Variants in NKAIN2 observed in about 807,000 individuals in gnomAD.
NKAIN2 encodes the protein sodium/potassium transporting ATPase interacting 2.
In NKAIN2, 14 loss-of-function variants were observed where a neutral mutation model predicts 32.6. The observed-to-expected ratio is 0.43, with a 90% CI of 0.28 to 0.67. The LOEUF is 0.67. Among genes scored for constraint, NKAIN2 ranks in the 30% least tolerant of loss-of-function variants. NKAIN2 has a pLI of 0.17. For missense variants in NKAIN2, 198 were observed against 258.3 expected (o/e 0.77, Z 1.60); for synonymous variants, 80 against 87.2 (o/e 0.92, Z 0.46).
chr6:124,542,678 CA>C (rs2114847891), intron 3 of NKAIN2, among the ~76,000 whole-genome samples: 1 of 152,252 alleles, frequency 6.6e-6, no homozygotes, highest in South Asian at 2.1e-4. Flanking sequence ...ATGCTAAAGG[CA>C]GGAGATGAGA....
At chr6:124,290,772 G>T in intron 2 of NKAIN2, among the ~76,000 whole-genome samples, 1 of 146,386 alleles carries the variant, frequency 6.8e-6, no homozygotes, top group Admixed American at 6.9e-5. Flanking sequence ...GCATTCTATT[G>T]CTTGATATTC....
chr6:124,461,922 A>G (rs998622175), intron 3 of NKAIN2, among the ~76,000 whole-genome samples: 3 of 151,772 alleles, frequency 2.0e-5, no homozygotes, highest in East Asian at 1.9e-4. Context: ...TAATAAAAAA[A>G]AAAAGAAAAG....
At chr6:124,211,341 C>T (rs1182664261) in intron 1 of NKAIN2, among the ~76,000 whole-genome samples, 1 of 151,802 alleles carries the variant, frequency 6.6e-6, no homozygotes, top group African/African-American at 2.4e-5. Flanking sequence ...GAAGGTGTTA[C>T]ATAACTGAAA....
At chr6:124,812,212 C>T (rs549771837) in intron 5 of NKAIN2, among the ~76,000 whole-genome samples, 1 of 152,264 alleles carries the variant, frequency 6.6e-6, no homozygotes, top group South Asian at 2.1e-4. Context: ...TATCTCACAG[C>T]ACCCAGACAA....
chr6:124,535,587 TAAG>T (rs1779682613), intron 3 of NKAIN2, among the ~76,000 whole-genome samples: 1 of 152,226 alleles, frequency 6.6e-6, no homozygotes, highest in African/African-American at 2.4e-5. Flanking sequence ...AGGTTGCCCT[TAAG>T]AAATACTGGA....
At chr6:124,637,414 G>A (rs1783814744) in intron 3 of NKAIN2, among the ~76,000 whole-genome samples, 1 of 151,764 alleles carries the variant, frequency 6.6e-6, no homozygotes, top group South Asian at 2.1e-4. Context: ...AGAAAAAGAG[G>A]GCATCCAAAT....
At chr6:124,284,464 T>C (rs892003240) in intron 2 of NKAIN2, among the ~76,000 whole-genome samples, 1 of 152,148 alleles carries the variant, frequency 6.6e-6, no homozygotes, top group Admixed American at 6.6e-5. Context: ...ATTTAATTAA[T>C]TGATATATAT....
intron 1 of NKAIN2, among the ~76,000 whole-genome samples, chr6:124,278,040 G>T (rs1795121200): frequency 6.6e-6 from 1 of 152,038 alleles, no homozygotes; most frequent in African/African-American, 2.4e-5. Flanking sequence ...ATTTGATTAA[G>T]AAATATTAGT....
intron 1 of NKAIN2, among the ~76,000 whole-genome samples, chr6:123,947,204 T>G (rs369716679): frequency 6.6e-6 from 1 of 152,168 alleles, no homozygotes; most frequent in South Asian, 2.1e-4. Context: ...TCAGATCAGG[T>G]CTGTGTTCTG....
At chr6:124,189,632 G>C (rs567361147) in intron 1 of NKAIN2, among the ~76,000 whole-genome samples, 1 of 152,286 alleles carries the variant, frequency 6.6e-6, no homozygotes, top group African/African-American at 2.4e-5. Context: ...AGTGAGCCGA[G>C]ATTGTGCCAT....
intron 3 of NKAIN2, among the ~76,000 whole-genome samples, chr6:124,638,880 ACT>A (rs1783876810): frequency 1.2e-5 from 1 of 80,754 alleles, no homozygotes; most frequent in Non-Finnish European, 2.6e-5. Flanking sequence ...GCAGAGTGAG[ACT>A]CTGTCAAAAA....
At position 123,883,572 on chromosome 6, in the gene NKAIN2, G is replaced by C. The variant is rs955387077; in HGVS notation, c.54+79318G>C. Among the ~76,000 whole-genome samples the C allele has an allele frequency of 2.0e-5, 3 of 151,294 alleles. No individual in the cohort carries two copies. In the East Asian group the frequency reaches 5.8e-4, roughly 29 times the overall value. On this transcript the variant is annotated intron_variant, in intron 1 of 6. Coordinates refer to ENST00000368417, the MANE Select transcript of NKAIN2 (RefSeq NM_001040214.3). ...CCTTCACCTTCTGCCATGATTGTAC[G>C]TTCCTGAGGCGTCCCCAGTCATGCT...
intron 5 of NKAIN2, among the ~76,000 whole-genome samples, chr6:124,802,024 T>C (rs1780284125): frequency 6.6e-6 from 1 of 152,192 alleles, no homozygotes; most frequent in Admixed American, 6.5e-5. Flanking sequence ...CCATGGGACA[T>C]TCTCTTTCCT....
At chr6:123,868,901 CT>C (rs1281228632) in intron 1 of NKAIN2, among the ~76,000 whole-genome samples, 1 of 152,046 alleles carries the variant, frequency 6.6e-6, no homozygotes, top group East Asian at 1.9e-4. Context: ...ATGGTGAATA[CT>C]TTTTTAAAAA....
At chr6:124,355,659 G>C (rs979829624) in intron 3 of NKAIN2, among the ~76,000 whole-genome samples, 1 of 151,930 alleles carries the variant, frequency 6.6e-6, no homozygotes, top group African/African-American at 2.4e-5. Context: ...AAAAAATCTT[G>C]AAGATTTCTG....
At chr6:124,729,668 T>C (rs1776549983) in intron 4 of NKAIN2, among the ~76,000 whole-genome samples, 1 of 150,938 alleles carries the variant, frequency 6.6e-6, no homozygotes, top group South Asian at 2.1e-4. Flanking sequence ...ATGCCCTCTC[T>C]CACCACTCCT....
At chr6:123,824,126 T>G (rs1383159437) in intron 1 of NKAIN2, among the ~76,000 whole-genome samples, 1 of 152,134 alleles carries the variant, frequency 6.6e-6, no homozygotes, top group Non-Finnish European at 1.5e-5. Context: ...ACTTTTGACC[T>G]TTTTGACAAT....
chr6:124,266,919 C>T (rs560762838), intron 1 of NKAIN2, among the ~76,000 whole-genome samples: 2 of 152,258 alleles, frequency 1.3e-5, no homozygotes, highest in African/African-American at 4.8e-5. Context: ...CCTAGTCATC[C>T]TTCTCAGGCT....
chr6:124,336,664 G>GT lies in NKAIN2; in HGVS notation c.193-18600dup, dbSNP rs1268457085. Among the ~76,000 whole-genome samples the GT allele has an allele frequency of 2.0e-3, 298 of 146,896 alleles. 1 individual carries two copies. The highest frequency in any genetic ancestry group is 7.0e-3 in the African/African-American group (283 of 40,180). On this transcript the variant is annotated intron_variant, in intron 2 of 6. Transcript: ENST00000368417. ...GCCAAAAGTACTTCTAACTGAAATA[G>GT]TTTGTTTTTTTTTGTTTGTTTTTTT...
Sources: gnomAD v4.1 joint callset for allele counts (sites outside exome capture counted in the v4.1 genomes callset) on GRCh38, gnomAD v4.1.1 for gene constraint, MANE v1.5 for transcripts, NCBI Gene and HGNC (gene_info 2026-07-23, HGNC 2026-07-21) for gene names.